GALNT13: variants seen among roughly 807,000 people sequenced by gnomAD.
GALNT13 encodes UDP-GalNAc:polypeptide N-acetylgalactosaminyltransferase 13.
GALNT13 carries 28 observed loss-of-function variants against 64.2 expected under a neutral mutation model. The observed-to-expected ratio is 0.44, with a 90% CI of 0.32 to 0.60. The LOEUF (loss-of-function observed/expected upper bound fraction) is 0.60, where lower values mean the gene tolerates loss of function less well. Among genes scored for constraint, GALNT13 ranks in the 20% least tolerant of loss-of-function variants. GALNT13 has a pLI of 0.05. For synonymous variants in GALNT13, 214 were observed against 224.6 expected (o/e 0.95, Z 0.42); for missense variants, 577 against 669.8 (o/e 0.86, Z 1.53).
chr2:154,007,999 C>G (rs1328755431), intron 3 of GALNT13, among the ~76,000 whole-genome samples: 2 of 149,076 alleles, frequency 1.3e-5, no homozygotes, highest in African/African-American at 2.4e-5. Context: ...CCCAACTATT[C>G]TCATGGTTAT....
chr2:153,919,945 T>A (rs1484501382), intron 2 of GALNT13, among the ~76,000 whole-genome samples: 1 of 148,592 alleles, frequency 6.7e-6, no homozygotes, highest in Non-Finnish European at 1.5e-5. Context: ...TGGACTTGAA[T>A]CAACATTGTC....
At chr2:153,518,283 A>G in the GALNT13 span, among the ~76,000 whole-genome samples, 85 of 152,222 alleles carry the variant, frequency 5.6e-4, 1 homozygote, top group East Asian at 0.013. Context: ...GTCACACACA[A>G]TCTGTCTCCT....
the GALNT13 span, among the ~76,000 whole-genome samples, chr2:153,295,592 T>C: frequency 2.6e-5 from 4 of 151,902 alleles, no homozygotes; most frequent in African/African-American, 9.7e-5. Flanking sequence ...AATTTGGAAT[T>C]CTGTAATTTA....
chr2:153,478,563 CA>C, the GALNT13 span: 2 of 1,582,072 alleles, frequency 1.3e-6, no homozygotes, highest in Non-Finnish European at 1.7e-6. Context: ...GGGCCGGATT[CA>C]TCGCAGGAAC....
chr2:153,251,356 C>A, the GALNT13 span, among the ~76,000 whole-genome samples: 1 of 152,074 alleles, frequency 6.6e-6, no homozygotes, highest in Non-Finnish European at 1.5e-5. Context: ...TCTGTGATTG[C>A]CCTAAGGCTT....
At chr2:154,146,660 A>G (rs1294442640) in intron 4 of GALNT13, among the ~76,000 whole-genome samples, 1 of 152,102 alleles carries the variant, frequency 6.6e-6, no homozygotes, top group African/African-American at 2.4e-5. Context: ...CATTTGACTT[A>G]TAAAAGCATC....
chr2:153,391,797 T>C, the GALNT13 span, among the ~76,000 whole-genome samples: 1 of 151,898 alleles, frequency 6.6e-6, no homozygotes, highest in Non-Finnish European at 1.5e-5. Context: ...AGAAGAATGA[T>C]TATGTTGCTT....
chr2:154,171,231 T>A lies in GALNT13; in HGVS notation c.311+30726T>A, dbSNP rs1023171073. Among the ~76,000 whole-genome samples the A allele has an allele frequency of 5.9e-5, 9 of 151,944 alleles. 1 individual carries two copies. Among genetic ancestry groups the A allele is most frequent in the African/African-American group, 2.2e-4 (9 of 41,394 alleles). On this transcript the variant is annotated intron_variant, in intron 4 of 12. Coordinates refer to ENST00000392825, the MANE Select transcript of GALNT13 (RefSeq NM_052917.4). The stretch of plus-strand genomic sequence containing the variant: ...AGCAGAGAGGCTTCCATCCTCAAAC[T>A]CTCCTTATCAAATAATAAAATTCTT...
the GALNT13 span, among the ~76,000 whole-genome samples, chr2:153,808,177 G>T: frequency 2.0e-5 from 3 of 152,000 alleles, no homozygotes; most frequent in Non-Finnish European, 1.5e-5. Flanking sequence ...GGCAGCTTTT[G>T]GGGGCTTTCT....
intron 9 of GALNT13, among the ~76,000 whole-genome samples, chr2:154,307,096 G>A (rs1424123063): frequency 6.6e-6 from 1 of 151,984 alleles, no homozygotes; most frequent in Non-Finnish European, 1.5e-5. Flanking sequence ...AGATGGAGTT[G>A]GGTAGGTCAG....
chr2:153,685,127 C>T, the GALNT13 span, among the ~76,000 whole-genome samples: 11 of 151,790 alleles, frequency 7.2e-5, 1 homozygote, highest in South Asian at 2.1e-4. Flanking sequence ...TATGTGTGCA[C>T]GCCTCTTTAT....
the GALNT13 span, among the ~76,000 whole-genome samples, chr2:153,130,579 A>G: frequency 2.6e-5 from 4 of 151,884 alleles, no homozygotes; most frequent in African/African-American, 7.2e-5. Flanking sequence ...CCATCCTTCA[A>G]TACACCCCAG....
At chr2:153,325,258 C>A in the GALNT13 span, among the ~76,000 whole-genome samples, 1 of 149,886 alleles carries the variant, frequency 6.7e-6, no homozygotes, top group Admixed American at 6.8e-5. Context: ...TTATCCATTT[C>A]TTCTAGATTT....
chr2:153,936,629 G>A (rs957572946), intron 2 of GALNT13, among the ~76,000 whole-genome samples: 2 of 152,096 alleles, frequency 1.3e-5, no homozygotes, highest in African/African-American at 2.4e-5. Context: ...CCATACTTGT[G>A]TTTCAGGCCA....
chr2:153,758,093 C>T, the GALNT13 span, among the ~76,000 whole-genome samples: 1 of 152,086 alleles, frequency 6.6e-6, no homozygotes, highest in Admixed American at 6.6e-5. Context: ...TTCTTTTTCT[C>T]TTTTAGTAGT....
At chr2:154,217,904 C>T (rs546455052) in intron 4 of GALNT13, among the ~76,000 whole-genome samples, 5 of 152,176 alleles carry the variant, frequency 3.3e-5, no homozygotes, top group South Asian at 4.1e-4. Flanking sequence ...TAGCAATCTA[C>T]GCAGTTGTCC....
the GALNT13 span, among the ~76,000 whole-genome samples, chr2:153,708,776 C>G: frequency 6.6e-6 from 1 of 152,066 alleles, no homozygotes; most frequent in Non-Finnish European, 1.5e-5. Flanking sequence ...CAGCATGGTA[C>G]TGCTGTTTTA....
At chr2:153,215,837 A>C in the GALNT13 span, among the ~76,000 whole-genome samples, 2 of 151,744 alleles carry the variant, frequency 1.3e-5, no homozygotes, top group Non-Finnish European at 2.9e-5. Context: ...ATTTATTTTT[A>C]AATTTATGTA....
chr2:153,562,549 A>G, the GALNT13 span, among the ~76,000 whole-genome samples: 1 of 152,066 alleles, frequency 6.6e-6, no homozygotes, highest in Non-Finnish European at 1.5e-5. Context: ...TGTTAGCTTT[A>G]AATTTACATA....
Sources: gnomAD v4.1 joint callset for allele counts (sites outside exome capture counted in the v4.1 genomes callset) on GRCh38, gnomAD v4.1.1 for gene constraint, MANE v1.5 for transcripts, NCBI Gene and HGNC (gene_info 2026-07-23, HGNC 2026-07-21) for gene names.